GUCD1: variants seen among roughly 807,000 people sequenced by gnomAD.
GUCD1 encodes the protein guanylyl cyclase domain containing 1, also known as protein GUCD1.
GUCD1 carries 17 observed loss-of-function variants against 28.3 expected under a neutral mutation model. That is an observed-to-expected ratio of 0.60 (90% confidence interval 0.41 to 0.90). GUCD1 has a LOEUF of 0.90. Among genes scored for constraint, GUCD1 ranks in the 40% least tolerant of loss-of-function variants. GUCD1 has a pLI of 0.00. For synonymous variants in GUCD1, 129 were observed against 123.3 expected (o/e 1.05, Z -0.30); for missense variants, 279 against 305.5 (o/e 0.91, Z 0.65).
chr22:24,545,033 A>AAAAAG (rs201341380), intron 4 of GUCD1, among the ~76,000 whole-genome samples: 13 of 151,694 alleles, frequency 8.6e-5, no homozygotes, highest in African/African-American at 2.7e-4. Flanking sequence ...TAAAAAAAAA[A>AAAAAG]AAAAGAAAAG....
At chr22:24,555,411 T>G, upstream of GUCD1, 1 of 1,205,470 alleles carries the variant, frequency 8.3e-7, no homozygotes, top group Non-Finnish European at 1.1e-6. Flanking sequence ...TAGAGGCTCG[T>G]CCCTTCGGCA....
At chr22:24,544,791 C>T (rs188442999) in intron 4 of GUCD1, among the ~76,000 whole-genome samples, 2 of 152,262 alleles carry the variant, frequency 1.3e-5, no homozygotes, top group African/African-American at 2.4e-5. Context: ...GCGGAAGGAT[C>T]GCTTGAGACT....
At position 24,547,024 on chromosome 22, in the gene GUCD1, G is replaced by T; in HGVS notation, c.295-19C>A. The T allele has an allele frequency of 2.5e-6, 4 of 1,592,374 alleles. No homozygotes were observed. Among genetic ancestry groups the T allele is most frequent in the Non-Finnish European group, 3.4e-6 (4 of 1,160,134 alleles). ...AGAAGGACTGAACAGAGAAGAGGGG[G>T]ATGGAGTGGCCACCACCCAGGCTGC... On this transcript the variant is annotated intron_variant, in intron 3 of 5. Transcript: ENST00000435822.
intron 3 of GUCD1, 143 bp downstream of exon 3, chr22:24,547,762 TCTG>T: frequency 1.2e-6 from 1 of 804,594 alleles, no homozygotes; most frequent in Non-Finnish European, 1.9e-6. Context: ...CTATAGCCTC[TCTG>T]CTGCTGCTCC....
rs994159194 is a variant in GUCD1, at chr22:24,543,248, T to C, written c.629-151A>G. On this transcript the variant is annotated intron_variant, in intron 5 of 5. Transcript: ENST00000435822. Reference sequence around the variant, plus strand: ...CAAGTCCTCCACCCCCAGGAAGCCCTCCTTGCCCATCCTGGTCTTCATGAG... The same window carrying C: ...CAAGTCCTCCACCCCCAGGAAGCCCCCCTTGCCCATCCTGGTCTTCATGAG... 4 of 631,164 alleles carry C rather than the reference T, an allele frequency of 6.3e-6. No homozygotes were observed. The African/African-American group carries it at 7.3e-5, about 11-fold the overall frequency. The allele number at this position is 631,164 out of a possible 1,614,324, so 39.1% of individuals were successfully genotyped here.
upstream of GUCD1, chr22:24,555,439 G>A: frequency 8.7e-7 from 1 of 1,153,940 alleles, no homozygotes; most frequent in Non-Finnish European, 1.2e-6. Context: ...CCTCTGCCGG[G>A]TCCCGCTCTT....
chr22:24,545,772 T>C (rs996366342), intron 4 of GUCD1, among the ~76,000 whole-genome samples: 12 of 150,088 alleles, frequency 8.0e-5, no homozygotes, highest in African/African-American at 2.2e-4. Context: ...CCCAGCTAAT[T>C]TTTTGTATTT....
chr22:24,552,621 C>T (rs1444759328), intron 1 of GUCD1, among the ~76,000 whole-genome samples: 2 of 152,042 alleles, frequency 1.3e-5, no homozygotes, highest in African/African-American at 4.8e-5. Flanking sequence ...AAAATACAAA[C>T]ATTAGCCGGG....
intron 1 of GUCD1, 54 bp downstream of exon 1, chr22:24,554,895 G>A (rs544352250): frequency 7.1e-6 from 10 of 1,407,718 alleles, no homozygotes; most frequent in Admixed American, 5.3e-5. Flanking sequence ...CCGCGCTAGG[G>A]AGGGGTCCCT....
upstream of GUCD1, chr22:24,555,198 T>G: frequency 2.6e-4 from 170 of 662,582 alleles, no homozygotes; most frequent in Non-Finnish European, 3.3e-4. Context: ...CCCCGCCCCC[T>G]CCTTAGGCCC....
In GUCD1 at chr22:24,541,124, G is replaced by A. The variant is rs1199556134; in HGVS notation, c.*1882C>T. 5.9e-6 allele frequency: 1 copy of A among 169,302 alleles called. No individual in the cohort carries two copies. The highest frequency in any genetic ancestry group is 2.4e-5 in the African/African-American group (1 of 41,530). 10.5% of individuals were successfully genotyped at this position (169,302 alleles called of 1,614,324 possible). A position where few individuals can be genotyped will look rare whatever the true frequency, so the allele number is the denominator to read the frequency against. Reference sequence around the variant, plus strand: ...CAGTCTAGAGCCAACACCGGTCTCTGAAACCCAGAAGGGCTGCCCAACTAA... The same window carrying A: ...CAGTCTAGAGCCAACACCGGTCTCTAAAACCCAGAAGGGCTGCCCAACTAA... On this transcript the variant is annotated 3_prime_UTR_variant, in exon 6 of 6. Transcript: ENST00000435822.
rs977845843 is a variant in GUCD1, at chr22:24,540,487, T to G, written c.*2519A>C. ...TGAGAATGGCTCATTACAAACAAAA[T>G]ATATATAAAATCTCTGCAATGCAAA... On this transcript the variant is annotated 3_prime_UTR_variant, in exon 6 of 6. Coordinates refer to ENST00000435822, the MANE Select transcript of GUCD1 (RefSeq NM_001284254.2). 2.0e-5 allele frequency: 3 copies of G among 152,296 alleles called. No homozygotes were observed. The South Asian group carries it at 6.2e-4, about 32-fold the overall frequency. 9.4% of individuals were successfully genotyped at this position (152,296 alleles called of 1,614,324 possible).
intron 5 of GUCD1, 67 bp from the exon 6 acceptor site, chr22:24,543,164 A>G: frequency 8.8e-7 from 1 of 1,139,756 alleles, no homozygotes; most frequent in Non-Finnish European, 1.3e-6. Context: ...CCACCGACAC[A>G]GTGCCCAGGG....
At chr22:24,544,808 T>C (rs1347665757) in intron 4 of GUCD1, among the ~76,000 whole-genome samples, 1 of 152,064 alleles carries the variant, frequency 6.6e-6, no homozygotes, top group Non-Finnish European at 1.5e-5. Context: ...GACTAGGAAT[T>C]AGAGACCAGC....
chr22:24,555,240 C>T (rs1417619033), upstream of GUCD1: 1 of 1,321,064 alleles, frequency 7.6e-7, no homozygotes, highest in Non-Finnish European at 9.6e-7. Flanking sequence ...AGGTCCCCAG[C>T]CTCTTGATTT....
chr22:24,547,314 A>C (rs183334138), intron 3 of GUCD1: 1 of 344,052 alleles, frequency 2.9e-6, no homozygotes, highest in African/African-American at 2.1e-5. Flanking sequence ...AGGCATGAGC[A>C]GGAGCCCGTA....
At chr22:24,547,450 C>CA (rs1256876113) in intron 3 of GUCD1, 13 of 184,764 alleles carry the variant, frequency 7.0e-5, no homozygotes, top group East Asian at 1.4e-4. Flanking sequence ...TTTCAAAAGG[C>CA]AAAAAAAAGA....
At chr22:24,544,104 A>G (rs1178268200) in intron 4 of GUCD1, 21 bp from the exon 5 acceptor site, 1 of 1,601,860 alleles carries the variant, frequency 6.2e-7, no homozygotes, top group East Asian at 2.2e-5. Flanking sequence ...GAGGGGGGTC[A>G]GCTGGTGCTG....
At chr22:24,547,875 C>T (rs774200222) in intron 3 of GUCD1, 33 bp downstream of exon 3, 2 of 1,611,774 alleles carry the variant, frequency 1.2e-6, no homozygotes, top group Non-Finnish European at 1.7e-6. Context: ...CTGTGTGGCC[C>T]CACATGGGAA....
Sources: gnomAD v4.1 joint callset for allele counts (sites outside exome capture counted in the v4.1 genomes callset) on GRCh38, gnomAD v4.1.1 for gene constraint, MANE v1.5 for transcripts, NCBI Gene and HGNC (gene_info 2026-07-23, HGNC 2026-07-21) for gene names.